Variants in ZNF385D observed in about 807,000 individuals in gnomAD.
ZNF385D encodes zinc finger protein 385D, also known as zinc finger protein 659.
ZNF385D carries 15 observed loss-of-function variants against 35.8 expected under a neutral mutation model. The ratio of observed to expected loss-of-function variants is 0.42; its 90% CI spans 0.28 to 0.64. ZNF385D has a LOEUF of 0.64. ZNF385D is among the 30% of genes least tolerant of loss of function. ZNF385D has a pLI of 0.23. For missense variants in ZNF385D, 474 were observed against 494.6 expected (o/e 0.96, Z 0.39); for synonymous variants, 212 against 186.8 (o/e 1.13, Z -1.10).
At chr3:21,693,650 C>T (rs887667250) in intron 1 of ZNF385D, among the ~76,000 whole-genome samples, 1 of 151,964 alleles carries the variant, frequency 6.6e-6, no homozygotes, top group African/African-American at 2.4e-5. Context: ...AGTATATGTC[C>T]TTTGTAAAGT....
chr3:21,812,435 C>A (rs926610111), intron 3 of ZNF385D, among the ~76,000 whole-genome samples: 1 of 152,218 alleles, frequency 6.6e-6, no homozygotes, highest in Non-Finnish European at 1.5e-5. Flanking sequence ...TTGGGGAATT[C>A]CCTTTCCCAG....
rs1232785219 is a variant in ZNF385D, at chr3:21,997,866, CGCGCGCGTGTGTGT to C, written c.325+170937_325+170950del. 4.1e-3 allele frequency among the ~76,000 whole-genome samples: 401 copies of C among 97,838 alleles called. 6 individuals are homozygous for C. Among genetic ancestry groups the C allele is most frequent in the African/African-American group, 0.012 (362 of 29,326 alleles). The allele number at this position is 97,838 out of a possible 152,430, so 64.2% of individuals were successfully genotyped here. A position where few individuals can be genotyped will look rare whatever the true frequency, so the allele number is the denominator to read the frequency against. ...TTGATGTTGCTATTTGGCGCGCGCG[CGCGCGCGTGTGTGT>C]GTGTGTGTGTGTGTGTGTGTGTGTG... is the stretch of plus-strand genomic sequence containing the variant. On this transcript the variant is annotated intron_variant, in intron 3 of 5. Transcript: ENST00000494108.
intron 3 of ZNF385D, among the ~76,000 whole-genome samples, chr3:21,829,598 A>G (rs886957662): frequency 4.6e-5 from 7 of 150,822 alleles, no homozygotes; most frequent in African/African-American, 1.5e-4. Context: ...AGCCTTCGAG[A>G]AGATGACTTT....
intron 4 of ZNF385D, among the ~76,000 whole-genome samples, chr3:21,481,445 T>G (rs1291956822): frequency 6.6e-6 from 1 of 152,182 alleles, no homozygotes; most frequent in East Asian, 1.9e-4. Context: ...CAGGCCAGTT[T>G]ATTCTATGTG....
At chr3:21,707,010 G>C (rs186830853) in intron 1 of ZNF385D, among the ~76,000 whole-genome samples, 105 of 152,270 alleles carry the variant, frequency 6.9e-4, no homozygotes, top group African/African-American at 2.4e-3. Flanking sequence ...GCTTGATGAA[G>C]TTTAAGTTCA....
At position 21,928,577 on chromosome 3, in the gene ZNF385D, G is replaced by T. The variant is rs572675470; in HGVS notation, c.325+240240C>A. ...ATTTCATAATTTGTTATTTGAAAAG[G>T]TTAAAAAATAATAAGGCTTTAGCTA... On this transcript the variant is annotated intron_variant, in intron 3 of 5. Coordinates refer to the ZNF385D transcript ENST00000494108. Among the ~76,000 whole-genome samples, 13 of 152,180 alleles carry T rather than the reference G, an allele frequency of 8.5e-5. No individual in the cohort carries two copies. In the East Asian group the frequency reaches 2.5e-3, roughly 29 times the overall value.
intron 2 of ZNF385D, among the ~76,000 whole-genome samples, chr3:21,590,049 G>A (rs1337262556): frequency 6.6e-6 from 1 of 152,142 alleles, no homozygotes; most frequent in South Asian, 2.1e-4. Context: ...GCATGTGCAA[G>A]AGCATTATTA....
At chr3:22,135,792 A>G (rs761316158) in intron 3 of ZNF385D, among the ~76,000 whole-genome samples, 6 of 152,220 alleles carry the variant, frequency 3.9e-5, no homozygotes, top group Non-Finnish European at 7.3e-5. Flanking sequence ...ACACAGACCA[A>G]TATAACAGAA....
intron 1 of ZNF385D, among the ~76,000 whole-genome samples, chr3:21,745,415 G>A (rs1187766007): frequency 1.3e-5 from 2 of 152,192 alleles, no homozygotes; most frequent in Non-Finnish European, 2.9e-5. Context: ...CAAGGGCTGT[G>A]TAAGCCTGGA....
At chr3:21,962,282 T>C (rs1702640621) in intron 3 of ZNF385D, among the ~76,000 whole-genome samples, 1 of 151,844 alleles carries the variant, frequency 6.6e-6, no homozygotes, top group African/African-American at 2.4e-5. Context: ...GAGGGGAAAA[T>C]GGTATGTGTG....
intron 3 of ZNF385D, among the ~76,000 whole-genome samples, chr3:22,136,369 C>A (rs1203402405): frequency 2.8e-5 from 4 of 142,244 alleles, no homozygotes; most frequent in Non-Finnish European, 6.1e-5. Flanking sequence ...GCCTGGGCGA[C>A]AAAGTGAGAC....
intron 2 of ZNF385D, among the ~76,000 whole-genome samples, chr3:22,207,092 A>T (rs1697207107): frequency 6.6e-6 from 1 of 151,980 alleles, no homozygotes. Flanking sequence ...ATACTTCTGA[A>T]ATTCAAAGGA....
chr3:22,225,194 T>C (rs1698480033), intron 2 of ZNF385D, among the ~76,000 whole-genome samples: 1 of 152,180 alleles, frequency 6.6e-6, no homozygotes. Flanking sequence ...GAGTAGAATA[T>C]GCCCTTAGGA....
chr3:21,745,431 T>C (rs941810805), intron 1 of ZNF385D, among the ~76,000 whole-genome samples: 1 of 152,192 alleles, frequency 6.6e-6, no homozygotes, highest in African/African-American at 2.4e-5. Context: ...CTGGAGTTCA[T>C]ATGCAATCAG....
In ZNF385D at chr3:21,913,022, A is replaced by G. The variant is rs1559747950; in HGVS notation, c.326-247994T>C. On this transcript the variant is annotated intron_variant, in intron 3 of 5. Transcript: ENST00000494108. ...AGCAAATTTTTACTTTCTGGATGGG[A>G]TTCTCACTTTTGGGATCAGGGTATG... 2.0e-5 allele frequency among the ~76,000 whole-genome samples: 3 copies of G among 152,218 alleles called. No homozygotes were observed. The South Asian group carries it at 6.2e-4, about 32-fold the overall frequency.
intron 2 of ZNF385D, among the ~76,000 whole-genome samples, chr3:22,299,045 C>G (rs570259328): frequency 2.0e-5 from 3 of 151,850 alleles, no homozygotes; most frequent in Non-Finnish European, 4.4e-5. Flanking sequence ...TAACACAATT[C>G]AAATTTTGTG....
rs1374654590 is a variant in ZNF385D, at chr3:21,419,773, G to A, written c.*1441C>T. 1 of 151,996 alleles carries A rather than the reference G, an allele frequency of 6.6e-6. No individual in the cohort carries two copies. The highest frequency in any genetic ancestry group is 1.5e-5 in the Non-Finnish European group (1 of 67,980). The allele number at this position is 151,996 out of a possible 1,614,324, so 9.4% of individuals were successfully genotyped here. On this transcript the variant is annotated 3_prime_UTR_variant, in exon 8 of 8. Coordinates refer to ENST00000281523, the MANE Select transcript of ZNF385D (RefSeq NM_024697.3). Reference sequence around the variant, plus strand: ...TTTGTTACCAATTTAATGATAACATGTAACACTGGATGGTTATATAATTAT... The same window carrying A: ...TTTGTTACCAATTTAATGATAACATATAACACTGGATGGTTATATAATTAT...
chr3:21,695,031 C>T (rs550787970), intron 1 of ZNF385D, among the ~76,000 whole-genome samples: 1 of 152,268 alleles, frequency 6.6e-6, no homozygotes, highest in Admixed American at 6.5e-5. Context: ...AGTCATTTAA[C>T]TTCTCTGTAA....
intron 2 of ZNF385D, among the ~76,000 whole-genome samples, chr3:21,621,865 CTGTG>C (rs10580512): frequency 0.15 from 21,282 of 146,030 alleles, 1,548 homozygotes; most frequent in East Asian, 0.28. Flanking sequence ...CCTGTTACCA[CTGTG>C]TGTGTGTGTG....
Sources: allele counts gnomAD v4.1 joint callset (sites outside exome capture counted in the v4.1 genomes callset), GRCh38; gene constraint gnomAD v4.1.1; transcripts MANE v1.5; gene names NCBI Gene and HGNC (gene_info 2026-07-23, HGNC 2026-07-21).